Variants in CPPED1 observed in about 807,000 individuals in gnomAD.
CPPED1 encodes calcineurin like phosphoesterase domain containing 1.
A neutral mutation model predicts 28.0 loss-of-function variants in CPPED1; 28 were observed. That is an observed-to-expected ratio of 1.00 (90% confidence interval 0.74 to 1.37). CPPED1 has a LOEUF of 1.37. Among genes scored for constraint, CPPED1 ranks in the 40% most tolerant of loss-of-function variants. CPPED1 has a pLI of 0.00. For synonymous variants in CPPED1, 198 were observed against 180.2 expected, an observed-to-expected ratio of 1.10 and a Z score of -0.79; for missense variants, 504 against 416.5, an observed-to-expected ratio of 1.21 and a Z score of -1.83.
At chr16:12,797,266 T>G (rs916635509) in intron 1 of CPPED1, among the ~76,000 whole-genome samples, 2 of 152,134 alleles carry the variant, frequency 1.3e-5, no homozygotes, top group African/African-American at 4.8e-5. Flanking sequence ...TTAAAAAAAT[T>G]TAGGCCAGGT....
rs1376224725 is a variant in CPPED1, at chr16:12,660,052, T to C, written c.*4834A>G. On this transcript the variant is annotated 3_prime_UTR_variant, in exon 4 of 4. Transcript: ENST00000381774. ...GGTCCGTCCCTTGACACATGGGGATTATGGGGATTACAATTCGAGATGAGA... is the reference window on the plus strand; with the variant it reads ...GGTCCGTCCCTTGACACATGGGGATCATGGGGATTACAATTCGAGATGAGA... 1 of 152,176 alleles carries C rather than the reference T, an allele frequency of 6.6e-6. No homozygotes were observed. The highest frequency in any genetic ancestry group is 6.5e-5 in the Admixed American group (1 of 15,274). The allele number at this position is 152,176 out of a possible 1,614,324, so 9.4% of individuals were successfully genotyped here. A position where few individuals can be genotyped will look rare whatever the true frequency, so the allele number is the denominator to read the frequency against.
At chr16:12,781,044 ATACTGC>A in intron 2 of CPPED1, 135 bp downstream of exon 2, 1 of 666,092 alleles carries the variant, frequency 1.5e-6, no homozygotes, top group South Asian at 1.9e-5. Context: ...ATGTTCAATG[ATACTGC>A]AACAATCATG....
intron 1 of CPPED1, among the ~76,000 whole-genome samples, chr16:12,796,910 G>A (rs2080630998): frequency 6.6e-6 from 1 of 152,108 alleles, no homozygotes; most frequent in African/African-American, 2.4e-5. Flanking sequence ...CTATACAATG[G>A]AATATCATTT....
chr16:12,704,905 G>C lies in CPPED1; in HGVS notation c.434C>G (p.Thr145Ser). Residue 145 changes from threonine (T) to serine (S), a missense_variant, in exon 3 of 4, where the codon ACT becomes AGT. Thr to Ser is a moderately conservative substitution (Grantham distance 58, BLOSUM62 1). Transcript: ENST00000381774. ...TAETVEEFCR[T>S]WGDDYFSFWV... ...GAAGCTGAAGTAGTCATCTCCCCAA[G>C]TCCGGCAGAACTCCTCGACGGTCTC... 1 of 1,614,148 alleles carries C rather than the reference G, an allele frequency of 6.2e-7. No homozygotes were observed. The highest frequency in any genetic ancestry group is 8.5e-7 in the Non-Finnish European group (1 of 1,180,030).
intron 1 of CPPED1, among the ~76,000 whole-genome samples, chr16:12,799,047 C>T (rs534436301): frequency 1.1e-4 from 16 of 152,160 alleles, no homozygotes; most frequent in African/African-American, 3.6e-4. Flanking sequence ...CGTAAATCAC[C>T]GGTGGGAGGA....
chr16:12,802,417 C>A (rs2080665843), intron 1 of CPPED1, among the ~76,000 whole-genome samples: 1 of 152,096 alleles, frequency 6.6e-6, no homozygotes, highest in Non-Finnish European at 1.5e-5. Flanking sequence ...GCCTGGCCAA[C>A]ATGGAGAAAC....
At chr16:12,718,495 T>C (rs1183216240) in intron 2 of CPPED1, among the ~76,000 whole-genome samples, 1 of 142,762 alleles carries the variant, frequency 7.0e-6, no homozygotes, top group African/African-American at 2.6e-5. Flanking sequence ...GCCGAAATTG[T>C]GCCACTGCAT....
At chr16:12,666,520 A>G (rs2079826718) in intron 3 of CPPED1, among the ~76,000 whole-genome samples, 1 of 152,138 alleles carries the variant, frequency 6.6e-6, no homozygotes, top group Admixed American at 6.5e-5. Flanking sequence ...TTCACATGTT[A>G]TTATTTTTTT....
intron 2 of CPPED1, among the ~76,000 whole-genome samples, chr16:12,755,632 G>C (rs2080361425): frequency 1.3e-5 from 2 of 152,090 alleles, no homozygotes; most frequent in African/African-American, 4.8e-5. Flanking sequence ...GGGCATTTTT[G>C]TGATAGATAT....
At chr16:12,731,802 A>G (rs1471990201) in intron 2 of CPPED1, among the ~76,000 whole-genome samples, 2 of 151,622 alleles carry the variant, frequency 1.3e-5, no homozygotes, top group East Asian at 3.9e-4. Context: ...TGTGTCTAAT[A>G]TGAAAAAAAA....
chr16:12,746,339 A>C (rs1302067370), intron 2 of CPPED1, among the ~76,000 whole-genome samples: 1 of 138,856 alleles, frequency 7.2e-6, no homozygotes, highest in African/African-American at 2.7e-5. Flanking sequence ...GTACCACTGC[A>C]CTCCCGCCTA....
intron 3 of CPPED1, among the ~76,000 whole-genome samples, chr16:12,697,764 C>T (rs991789557): frequency 2.4e-4 from 36 of 152,108 alleles, no homozygotes; most frequent in African/African-American, 8.7e-4. Flanking sequence ...TACTATCTGA[C>T]CCTTTACCGA....
At position 12,704,877 on chromosome 16, in the gene CPPED1, C is replaced by T. The variant is rs780667074; in HGVS notation, c.462G>A (p.Trp154Ter). Residue 154 changes from tryptophan (W) to a stop codon, truncating the protein, a stop_gained, in exon 3 of 4, where the codon TGG becomes TGA. Transcript: ENST00000381774. LOFTEE classifies it high-confidence loss of function. The part of the protein sequence containing the change: ...RTWGDDYFSF[W>*]VGGVLFLVLN... ...GGACCAGGAACAGGACGCCCCCGAC[C>T]CAGAAGCTGAAGTAGTCATCTCCCC... is the stretch of plus-strand genomic sequence containing the variant. 18 of 1,614,066 alleles carry T rather than the reference C, an allele frequency of 1.1e-5. No individual in the cohort carries two copies. Among genetic ancestry groups the T allele is most frequent in the Admixed American group, 5.0e-5 (3 of 59,994 alleles).
chr16:12,763,411 C>T lies in CPPED1; in HGVS notation c.289+17774G>A, dbSNP rs143639726. On this transcript the variant is annotated intron_variant, in intron 2 of 3. Coordinates refer to ENST00000381774, the MANE Select transcript of CPPED1 (RefSeq NM_018340.3). ...TTAATACTGATTTTGGTGATCATTACACAACTCAGCAAATACACAAAAGAC... is the reference window on the plus strand; with the variant it reads ...TTAATACTGATTTTGGTGATCATTATACAACTCAGCAAATACACAAAAGAC... Among the ~76,000 whole-genome samples, 196 of 152,178 alleles carry T rather than the reference C, an allele frequency of 1.3e-3. 3 individuals are homozygous for T. The highest frequency in any genetic ancestry group is 4.6e-3 in the African/African-American group (190 of 41,522).
chr16:12,685,325 C>CTGTA (rs1008936052), intron 3 of CPPED1, among the ~76,000 whole-genome samples: 4 of 152,124 alleles, frequency 2.6e-5, no homozygotes, highest in African/African-American at 9.7e-5. Context: ...TGGTGGCCAC[C>CTGTA]TGTAATCCCA....
intron 2 of CPPED1, among the ~76,000 whole-genome samples, chr16:12,769,065 A>G (rs944857671): frequency 6.6e-6 from 1 of 151,934 alleles, no homozygotes; most frequent in Non-Finnish European, 1.5e-5. Flanking sequence ...GGGTTTTACC[A>G]TGTTGGTCAG....
intron 2 of CPPED1, among the ~76,000 whole-genome samples, chr16:12,751,787 T>C (rs554258712): frequency 6.6e-6 from 1 of 152,360 alleles, no homozygotes; most frequent in Non-Finnish European, 1.5e-5. Context: ...TGCATGTGTA[T>C]GCGTTATATT....
intron 2 of CPPED1, among the ~76,000 whole-genome samples, chr16:12,779,888 G>A (rs1392576473): frequency 6.6e-6 from 1 of 152,056 alleles, no homozygotes. Context: ...TTTCTGCAAT[G>A]GTCTAAGGTC....
At chr16:12,724,966 T>C (rs1338770298) in intron 2 of CPPED1, among the ~76,000 whole-genome samples, 2 of 151,870 alleles carry the variant, frequency 1.3e-5, no homozygotes, top group Non-Finnish European at 2.9e-5. Context: ...TTTTGTATTT[T>C]TAGTAGAGAC....
Sources: allele counts gnomAD v4.1 joint callset (sites outside exome capture counted in the v4.1 genomes callset), GRCh38; gene constraint gnomAD v4.1.1; transcripts MANE v1.5; gene names NCBI Gene and HGNC (gene_info 2026-07-23, HGNC 2026-07-21).